Variants in ASIC2 observed in about 807,000 individuals in gnomAD.
ASIC2 encodes the protein acid sensing ion channel subunit 2.
A neutral mutation model predicts 57.3 loss-of-function variants in ASIC2; 25 were observed. The observed-to-expected ratio is 0.44, with a 90% CI of 0.32 to 0.61. The LOEUF (loss-of-function observed/expected upper bound fraction) is 0.61. ASIC2 is among the 20% of genes least tolerant of loss of function. The probability of loss-of-function intolerance (pLI) is 0.06; values close to 1 mark genes in which losing one functional copy is unlikely to be tolerated. For synonymous variants in ASIC2, 319 were observed against 307.5 expected (o/e 1.04, Z -0.39); for missense variants, 641 against 738.1 (o/e 0.87, Z 1.52).
chr17:33,223,344 G>A (rs1009347355), intron 1 of ASIC2, among the ~76,000 whole-genome samples: 3 of 152,002 alleles, frequency 2.0e-5, no homozygotes, highest in Admixed American at 1.3e-4. Flanking sequence ...AACTATGCCT[G>A]GCTAATTTTG....
intron 1 of ASIC2, among the ~76,000 whole-genome samples, chr17:34,087,438 G>C (rs1444245205): frequency 2.0e-5 from 3 of 150,830 alleles, no homozygotes; most frequent in Non-Finnish European, 4.4e-5. Flanking sequence ...TCCCTTTGTG[G>C]GTAACCCGAC....
chr17:33,785,960 C>T lies in ASIC2; in HGVS notation c.555+370018G>A, dbSNP rs570186704. 5.9e-5 allele frequency among the ~76,000 whole-genome samples: 9 copies of T among 152,326 alleles called. No homozygotes were observed. The South Asian group carries it at 1.9e-3, about 32-fold the overall frequency. On this transcript the variant is annotated intron_variant, in intron 1 of 9. Coordinates refer to the ASIC2 transcript ENST00000359872. ...GAGACCAGCACAGGTTTACTGCTAT[C>T]TGCTAAGTGCTGCTGCAATGTCATT...
intron 1 of ASIC2, among the ~76,000 whole-genome samples, chr17:33,435,430 C>T (rs1911575179): frequency 6.6e-6 from 1 of 152,068 alleles, no homozygotes; most frequent in Non-Finnish European, 1.5e-5. Flanking sequence ...AAGATGAGTC[C>T]ATTTGAGTAT....
At chr17:33,819,697 T>C (rs1169883990) in intron 1 of ASIC2, among the ~76,000 whole-genome samples, 1 of 152,218 alleles carries the variant, frequency 6.6e-6, no homozygotes, top group African/African-American at 2.4e-5. Context: ...AGTGCATCAG[T>C]GCTCGTGCCA....
rs533646256 is a variant in ASIC2 at position 33,329,107 on chromosome 17, A to T, written c.556-217040T>A. Among the ~76,000 whole-genome samples the T allele has an allele frequency of 2.0e-5, 3 of 152,324 alleles. No homozygotes were observed. The South Asian group carries it at 6.2e-4, about 32-fold the overall frequency. On this transcript the variant is annotated intron_variant, in intron 1 of 9. Coordinates refer to the ASIC2 transcript ENST00000359872. ...AAATAATGGCAGGAATGGCTAGGTG[A>T]TAAGGTCAGAGACAGCATGGAGTAG...
chr17:33,080,415 A>G (rs1363674364), intron 3 of ASIC2, among the ~76,000 whole-genome samples: 1 of 152,138 alleles, frequency 6.6e-6, no homozygotes, highest in Non-Finnish European at 1.5e-5. Flanking sequence ...GGCAAGAAAA[A>G]GGGAAATGAA....
intron 1 of ASIC2, among the ~76,000 whole-genome samples, chr17:33,564,039 G>T (rs757966726): frequency 2.6e-5 from 4 of 152,186 alleles, no homozygotes; most frequent in Non-Finnish European, 4.4e-5. Context: ...GGAGCTCCCT[G>T]CAGGAAGTCA....
At chr17:34,015,412 C>T (rs1485270767) in intron 1 of ASIC2, among the ~76,000 whole-genome samples, 1 of 152,206 alleles carries the variant, frequency 6.6e-6, no homozygotes, top group Non-Finnish European at 1.5e-5. Context: ...TGAGAGCCTA[C>T]CAGGGATTCC....
chr17:33,256,377 A>G (rs1909071848), intron 1 of ASIC2, among the ~76,000 whole-genome samples: 1 of 152,240 alleles, frequency 6.6e-6, no homozygotes, highest in South Asian at 2.1e-4. Context: ...TATGCTAGAA[A>G]GAGACACAAG....
intron 1 of ASIC2, among the ~76,000 whole-genome samples, chr17:33,507,375 G>C (rs1023600235): frequency 6.6e-6 from 1 of 152,320 alleles, no homozygotes; most frequent in Non-Finnish European, 1.5e-5. Context: ...TCATCCTGGG[G>C]AAGTGATACA....
chr17:33,710,583 C>T (rs1908997980), intron 1 of ASIC2, among the ~76,000 whole-genome samples: 1 of 152,152 alleles, frequency 6.6e-6, no homozygotes, highest in African/African-American at 2.4e-5. Flanking sequence ...AAATAAGGCT[C>T]ATAAATTTAC....
intron 1 of ASIC2, among the ~76,000 whole-genome samples, chr17:33,183,076 G>T (rs981783869): frequency 2.6e-5 from 4 of 152,122 alleles, no homozygotes; most frequent in Non-Finnish European, 5.9e-5. Flanking sequence ...GTTTGGAGAG[G>T]TGAAACTGAT....
chr17:33,817,835 C>T (rs1452049333), intron 1 of ASIC2, among the ~76,000 whole-genome samples: 1 of 152,192 alleles, frequency 6.6e-6, no homozygotes, highest in East Asian at 1.9e-4. Flanking sequence ...AGCTTGAAGC[C>T]TGGGGCTAGA....
intron 1 of ASIC2, among the ~76,000 whole-genome samples, chr17:33,996,444 C>G (rs965122264): frequency 4.6e-5 from 7 of 152,092 alleles, no homozygotes; most frequent in Admixed American, 3.3e-4. Context: ...CACCAACAAG[C>G]TTTTTTCCTA....
chr17:33,835,348 G>A lies in ASIC2; in HGVS notation c.555+320630C>T, dbSNP rs528847160. Among the ~76,000 whole-genome samples, 4 of 152,314 alleles carry A rather than the reference G, an allele frequency of 2.6e-5. No homozygotes were observed. In the South Asian group the frequency reaches 8.3e-4, roughly 32 times the overall value. ...CATGAATTGCTCATTCCAGCCGTCA[G>A]TACTTTGTACGTATTTTCCCCTACT... On this transcript the variant is annotated intron_variant, in intron 1 of 9. Transcript: ENST00000359872.
chr17:33,295,648 A>G (rs970245977), upstream of ASIC2, among the ~76,000 whole-genome samples: 1 of 152,118 alleles, frequency 6.6e-6, no homozygotes, highest in Non-Finnish European at 1.5e-5. Flanking sequence ...GCAGACAGGG[A>G]CTACACCTCC....
chr17:33,598,385 G>A (rs1905039020), intron 1 of ASIC2, among the ~76,000 whole-genome samples: 2 of 152,212 alleles, frequency 1.3e-5, no homozygotes, highest in Non-Finnish European at 2.9e-5. Context: ...GACACAGAGT[G>A]TTTGCAGGTT....
chr17:33,640,995 A>G (rs1906545387), intron 1 of ASIC2, among the ~76,000 whole-genome samples: 1 of 152,212 alleles, frequency 6.6e-6, no homozygotes, highest in Non-Finnish European at 1.5e-5. Flanking sequence ...GAATGGCAGC[A>G]ACATAGACCC....
At chr17:33,438,850 T>G (rs1463973151) in intron 1 of ASIC2, among the ~76,000 whole-genome samples, 4 of 61,900 alleles carry the variant, frequency 6.5e-5, no homozygotes, top group African/African-American at 2.1e-4. Context: ...AGGGGAACCT[T>G]TTTTTTTTTT....
Sources: allele counts gnomAD v4.1 joint callset (sites outside exome capture counted in the v4.1 genomes callset), GRCh38; gene constraint gnomAD v4.1.1; transcripts MANE v1.5; gene names NCBI Gene and HGNC (gene_info 2026-07-23, HGNC 2026-07-21).